VAMP5: variants seen among roughly 807,000 people sequenced by gnomAD.
VAMP5 encodes vesicle-associated membrane protein 5.
In VAMP5, 10 loss-of-function variants were observed where a neutral mutation model predicts 8.1. That is an observed-to-expected ratio of 1.23 (90% CI 0.76 to 2.09). The LOEUF (loss-of-function observed/expected upper bound fraction) is 2.09, where lower values mean the gene tolerates loss of function less well. Ranked by LOEUF, VAMP5 falls within the 30% of genes most tolerant of loss-of-function variation. VAMP5 has a pLI of 0.00. For missense variants in VAMP5, 135 were observed against 152.5 expected (o/e 0.89, Z 0.60); for synonymous variants, 62 against 60.6 (o/e 1.02, Z -0.11).
Position 85,593,070 on chromosome 2 carries a change from G to C in VAMP5, c.264G>C (p.Leu88=). The change falls in exon 3 of 3, where the codon CTG becomes CTC. Residue 88 remains leucine (L), a synonymous_variant. Transcript: ENST00000306384. ...VGVLLIILIV[L]LVVFLPQSSD... ...TCCTGCTCATCATCCTGATTGTGCTGCTGGTCGTCTTTCTCCCTCAGAGCA... is the reference window on the plus strand; with the variant it reads ...TCCTGCTCATCATCCTGATTGTGCTCCTGGTCGTCTTTCTCCCTCAGAGCA... 6.2e-7 allele frequency: 1 copy of C among 1,614,248 alleles called. No homozygotes were observed. Among genetic ancestry groups the C allele is most frequent in the Non-Finnish European group, 8.5e-7 (1 of 1,180,040 alleles).
At position 85,593,241 on chromosome 2, in the gene VAMP5, AC is replaced by A; in HGVS notation, c.*87del. On this transcript the variant is annotated 3_prime_UTR_variant, in exon 3 of 3. Transcript: ENST00000306384. ...GGACCTTGGTGTTTGCTCTCCCTTG[AC>A]CCACCCCAGTGAGTGCCAAAGGGCA... 1.4e-6 allele frequency: 2 copies of A among 1,473,332 alleles called. No homozygotes were observed. The highest frequency in any genetic ancestry group is 1.9e-6 in the Non-Finnish European group (2 of 1,076,114). The allele number at this position is 1,473,332 out of a possible 1,614,324, so 91.3% of individuals were successfully genotyped here.
intron 1 of VAMP5, among the ~76,000 whole-genome samples, chr2:85,588,294 T>C (rs1672492427): frequency 6.6e-6 from 1 of 152,116 alleles, no homozygotes; most frequent in South Asian, 2.1e-4. Flanking sequence ...ATCAAAGAGA[T>C]TGAGCCCAGA....
intron 2 of VAMP5, 138 bp from the exon 3 acceptor site, chr2:85,592,810 A>AAAAAAAAAAAAAAG (rs1672562376): frequency 7.4e-6 from 6 of 815,860 alleles, no homozygotes; most frequent in Non-Finnish European, 1.1e-5. Flanking sequence ...CAAAAAAAAA[A>AAAAAAAAAAAAAAG]AAAAAAGAAA....
rs1383916371 is a variant in VAMP5, at chr2:85,592,932, C to T, written c.142-16C>T. ...GTGCCAGCTAACTCCCACTTTGTGT[C>T]TGGGGGTATCCGCAGAGCTCAACCT... On this transcript the variant is annotated splice_polypyrimidine_tract_variant and intron_variant, in intron 2 of 2. Transcript: ENST00000306384. 1 of 1,613,022 alleles carries T rather than the reference C, an allele frequency of 6.2e-7. No homozygotes were observed. Among genetic ancestry groups the T allele is most frequent in the Non-Finnish European group, 8.5e-7 (1 of 1,179,936 alleles).
chr2:85,591,626 T>C, intron 1 of VAMP5, 99 bp from the exon 2 acceptor site: 2 of 1,554,050 alleles, frequency 1.3e-6, no homozygotes, highest in South Asian at 1.2e-5. Flanking sequence ...TCTCATGCTG[T>C]ACCCACCTAC....
intron 1 of VAMP5, among the ~76,000 whole-genome samples, chr2:85,586,952 G>A (rs1212316914): frequency 1.3e-5 from 2 of 151,936 alleles, no homozygotes; most frequent in East Asian, 3.9e-4. Flanking sequence ...GCAGGCGCCT[G>A]TAGTCCCAGC....
In VAMP5 at chr2:85,593,168, C is replaced by G. The variant is rs1210032508; in HGVS notation, c.*11C>G. 1.9e-6 allele frequency: 3 copies of G among 1,613,770 alleles called. No homozygotes were observed. Among genetic ancestry groups the G allele is most frequent in the Non-Finnish European group, 2.5e-6 (3 of 1,179,988 alleles). On this transcript the variant is annotated 3_prime_UTR_variant, in exon 3 of 3. Coordinates refer to ENST00000306384, the MANE Select transcript of VAMP5 (RefSeq NM_006634.3). ...GGGCCTGGGAACTGACCCAGCTGGT[C>G]CTGAAGGAGAAGCCAAATGGCTGCA...
At chr2:85,586,701 G>C (rs1672464870) in intron 1 of VAMP5, among the ~76,000 whole-genome samples, 1 of 152,142 alleles carries the variant, frequency 6.6e-6, no homozygotes, top group Non-Finnish European at 1.5e-5. Context: ...CTACCTCAGA[G>C]TATGTGCCCA....
intron 1 of VAMP5, among the ~76,000 whole-genome samples, chr2:85,588,670 CG>C (rs1672497034): frequency 1.3e-5 from 2 of 152,142 alleles, no homozygotes; most frequent in Non-Finnish European, 1.5e-5. Context: ...CACTGTCACC[CG>C]TGGCTCAAAA....
intron 1 of VAMP5, among the ~76,000 whole-genome samples, chr2:85,589,159 A>T (rs1217426386): frequency 6.6e-6 from 1 of 152,096 alleles, no homozygotes; most frequent in East Asian, 1.9e-4. Context: ...TGTTTATCAC[A>T]TCTCTGCTGT....
At chr2:85,584,562 G>A in intron 1 of VAMP5, 69 bp downstream of exon 1, 1 of 1,232,130 alleles carries the variant, frequency 8.1e-7, no homozygotes, top group Non-Finnish European at 1.0e-6. Context: ...TGGGAGAGAG[G>A]AGTCCAAAGT....
chr2:85,587,690 T>A (rs1317262703), intron 1 of VAMP5, among the ~76,000 whole-genome samples: 1 of 152,212 alleles, frequency 6.6e-6, no homozygotes, highest in African/African-American at 2.4e-5. Flanking sequence ...TGATTTACAA[T>A]AAGTCACATA....
intron 1 of VAMP5, among the ~76,000 whole-genome samples, chr2:85,591,365 T>C (rs719023): frequency 0.54 from 81,609 of 152,068 alleles, 22,809 homozygotes; most frequent in Middle Eastern, 0.62. Flanking sequence ...TGTGCATTGA[T>C]TGGGTAGACG....
intron 1 of VAMP5, among the ~76,000 whole-genome samples, chr2:85,590,031 A>G (rs529815070): frequency 6.6e-6 from 1 of 152,216 alleles, no homozygotes; most frequent in South Asian, 2.1e-4. Flanking sequence ...TATAGTAGTA[A>G]TAATAGTGAT....
At chr2:85,590,279 T>C (rs535948600) in intron 1 of VAMP5, among the ~76,000 whole-genome samples, 10 of 152,274 alleles carry the variant, frequency 6.6e-5, no homozygotes, top group Non-Finnish European at 1.2e-4. Context: ...TGGGAGAACA[T>C]CTCTTGAGAA....
At chr2:85,590,220 G>A (rs934674448) in intron 1 of VAMP5, among the ~76,000 whole-genome samples, 5 of 152,148 alleles carry the variant, frequency 3.3e-5, no homozygotes, top group Admixed American at 2.0e-4. Flanking sequence ...ACCTATTTGG[G>A]TTTCAAATGC....
At chr2:85,592,588 G>A (rs1436851069) in intron 2 of VAMP5, among the ~76,000 whole-genome samples, 2 of 151,862 alleles carry the variant, frequency 1.3e-5, no homozygotes, top group Admixed American at 1.3e-4. Flanking sequence ...AGATCACAAG[G>A]TCAGGAGTTC....
At chr2:85,584,585 G>C (rs1672436193) in intron 1 of VAMP5, 92 bp downstream of exon 1, 1 of 1,226,462 alleles carries the variant, frequency 8.2e-7, no homozygotes, top group Non-Finnish European at 1.0e-6. Context: ...GCGGGCTGGG[G>C]CCTCCCCTGG....
intron 1 of VAMP5, among the ~76,000 whole-genome samples, chr2:85,590,229 G>T (rs1672519237): frequency 6.6e-6 from 1 of 152,172 alleles, no homozygotes; most frequent in Admixed American, 6.5e-5. Flanking sequence ...GGTTTCAAAT[G>T]CCTGCCCCTC....
Sources: allele counts gnomAD v4.1 joint callset (sites outside exome capture counted in the v4.1 genomes callset), GRCh38; gene constraint gnomAD v4.1.1; transcripts MANE v1.5; gene names NCBI Gene and HGNC (gene_info 2026-07-23, HGNC 2026-07-21).